Variants in FAM171A1 observed in about 807,000 individuals in gnomAD.
FAM171A1 encodes family with sequence similarity 171 member A1.
FAM171A1 carries 23 observed loss-of-function variants against 74.9 expected under a neutral mutation model. The observed-to-expected ratio is 0.31, with a 90% CI of 0.22 to 0.44. The LOEUF (loss-of-function observed/expected upper bound fraction) is 0.44. Among genes scored for constraint, FAM171A1 ranks in the 20% least tolerant of loss-of-function variants. The pLI is 1.00. For synonymous variants in FAM171A1, 527 were observed against 505.7 expected (o/e 1.04, Z -0.57); for missense variants, 1,162 against 1,159.2 (o/e 1.00, Z -0.03).
chr10:15,327,333 G>A (rs1162094858), intron 1 of FAM171A1, among the ~76,000 whole-genome samples: 1 of 152,148 alleles, frequency 6.6e-6, no homozygotes, highest in Non-Finnish European at 1.5e-5. Context: ...AGATGCTACT[G>A]ACTATTATTA....
At chr10:15,283,208 A>G (rs1834992384) in intron 2 of FAM171A1, among the ~76,000 whole-genome samples, 1 of 152,130 alleles carries the variant, frequency 6.6e-6, no homozygotes, top group Non-Finnish European at 1.5e-5. Flanking sequence ...CTTTAGGAAA[A>G]CGTGGTGTGG....
intron 4 of FAM171A1, 111 bp from the exon 5 acceptor site, chr10:15,248,926 A>T: frequency 9.9e-7 from 1 of 1,007,320 alleles, no homozygotes; most frequent in South Asian, 1.8e-5. Flanking sequence ...TATGCCAGGG[A>T]CTGCATGAAG....
At chr10:15,372,271 C>G (rs1246790411), upstream of FAM171A1, among the ~76,000 whole-genome samples, 1 of 152,160 alleles carries the variant, frequency 6.6e-6, no homozygotes, top group African/African-American at 2.4e-5. Flanking sequence ...TTATCCCCCC[C>G]ATTCACAGAT....
chr10:15,274,034 G>A (rs1379945551), intron 3 of FAM171A1, among the ~76,000 whole-genome samples: 3 of 152,174 alleles, frequency 2.0e-5, no homozygotes, highest in Admixed American at 1.3e-4. Context: ...GTTCTGGCCA[G>A]GGCAATCAGG....
chr10:15,339,373 T>C (rs1322845340), intron 1 of FAM171A1, among the ~76,000 whole-genome samples: 1 of 152,218 alleles, frequency 6.6e-6, no homozygotes, highest in East Asian at 1.9e-4. Flanking sequence ...CGCATCACAT[T>C]TAGTCATTAC....
chr10:15,314,154 ACC>A (rs1404213208), intron 1 of FAM171A1, among the ~76,000 whole-genome samples: 1 of 152,142 alleles, frequency 6.6e-6, no homozygotes, highest in Admixed American at 6.5e-5. Context: ...ATAAACCGTC[ACC>A]CTACAACTGG....
chr10:15,326,859 C>A (rs1835561544), intron 1 of FAM171A1, among the ~76,000 whole-genome samples: 1 of 152,178 alleles, frequency 6.6e-6, no homozygotes, highest in African/African-American at 2.4e-5. Flanking sequence ...AACTCCTGAC[C>A]TCAAGTGATC....
chr10:15,340,751 G>A (rs1025547666), intron 1 of FAM171A1, among the ~76,000 whole-genome samples: 1 of 152,218 alleles, frequency 6.6e-6, no homozygotes, highest in Non-Finnish European at 1.5e-5. Flanking sequence ...GATAGTGAGT[G>A]TATTTGGATA....
In FAM171A1 at chr10:15,259,280, C is replaced by T. The variant is rs564545325; in HGVS notation, c.419-4401G>A. On this transcript the variant is annotated intron_variant, in intron 3 of 7. Coordinates refer to ENST00000378116, the MANE Select transcript of FAM171A1 (RefSeq NM_001010924.2). Reference sequence around the variant, plus strand: ...AACAGCGTATGTTACCTTATACTGCCTCTCACCTCAACTATTGTGAAAGCC... The same window carrying T: ...AACAGCGTATGTTACCTTATACTGCTTCTCACCTCAACTATTGTGAAAGCC... Among the ~76,000 whole-genome samples, 58 of 152,220 alleles carry T rather than the reference C, an allele frequency of 3.8e-4. No homozygotes were observed. In the South Asian group the frequency reaches 0.012, roughly 32 times the overall value.
intron 5 of FAM171A1, among the ~76,000 whole-genome samples, chr10:15,244,744 G>A (rs570998224): frequency 6.6e-6 from 1 of 152,162 alleles, no homozygotes; most frequent in Admixed American, 6.5e-5. Context: ...GAGGGTGCAG[G>A]GAGTAACAGG....
At chr10:15,298,303 T>C (rs1835184857) in intron 1 of FAM171A1, among the ~76,000 whole-genome samples, 1 of 151,678 alleles carries the variant, frequency 6.6e-6, no homozygotes, top group Non-Finnish European at 1.5e-5. Flanking sequence ...CCCGGCTAAT[T>C]TTGTATTTTT....
intron 5 of FAM171A1, among the ~76,000 whole-genome samples, chr10:15,243,693 A>G (rs577186757): frequency 6.6e-6 from 1 of 152,330 alleles, no homozygotes; most frequent in South Asian, 2.1e-4. Context: ...TAGAAAAAAA[A>G]TCCAATAGAA....
At chr10:15,269,530 G>A (rs1212593003) in intron 3 of FAM171A1, among the ~76,000 whole-genome samples, 1 of 152,120 alleles carries the variant, frequency 6.6e-6, no homozygotes, top group African/African-American at 2.4e-5. Flanking sequence ...AACCTTCTTT[G>A]TGAGCTTTTC....
chr10:15,284,283 C>T (rs1835009190), intron 1 of FAM171A1, among the ~76,000 whole-genome samples, 178 bp from the exon 2 acceptor site: 1 of 152,204 alleles, frequency 6.6e-6, no homozygotes, highest in Non-Finnish European at 1.5e-5. Flanking sequence ...TTTTACTTCA[C>T]ACAATTTCCC....
chr10:15,341,635 C>G (rs989783694), intron 1 of FAM171A1, among the ~76,000 whole-genome samples: 29 of 152,264 alleles, frequency 1.9e-4, no homozygotes, highest in South Asian at 4.2e-4. Flanking sequence ...AAGAAAGTAT[C>G]AGAGAGGGAA....
rs145441467 is a variant in FAM171A1, at chr10:15,214,215, T to C, written c.1373A>G (p.His458Arg). 831 of 1,614,152 alleles carry C rather than the reference T, an allele frequency of 5.1e-4. 1 individual carries two copies. Among genetic ancestry groups the C allele is most frequent in the Non-Finnish European group, 6.3e-4 (749 of 1,180,016 alleles). ...TAAGGGAAAAACCTCCACTGACTTA[T>C]GGTAGTCTTTCCCCAGCGTCCCACT... ...TPSGTLGKDY[H>R]KSVEVFPLKA... is the part of the protein sequence containing the mutation. The change falls in exon 8 of 8, where the codon CAT (histidine) becomes CGT (arginine). Residue 458 changes from histidine (H) to arginine (R), a missense_variant. Transcript: ENST00000378116.
intron 4 of FAM171A1, among the ~76,000 whole-genome samples, chr10:15,252,753 T>TCTTCC (rs888098324): frequency 6.6e-6 from 1 of 152,216 alleles, no homozygotes; most frequent in Non-Finnish European, 1.5e-5. Context: ...CAAAGACCTC[T>TCTTCC]CTTCCCTTTG....
intron 1 of FAM171A1, among the ~76,000 whole-genome samples, chr10:15,336,355 C>T (rs1318599956): frequency 1.3e-5 from 2 of 150,794 alleles, no homozygotes; most frequent in African/African-American, 4.9e-5. Flanking sequence ...GCAGTTTTAT[C>T]ATATACAATA....
Position 15,370,990 on chromosome 10 carries a change from G to C in FAM171A1, c.63C>G (p.Thr21=). The C allele has an allele frequency of 1.7e-6, 2 of 1,193,110 alleles. No homozygotes were observed. The highest frequency in any genetic ancestry group is 2.1e-6 in the Non-Finnish European group (2 of 939,672). 73.9% of individuals were successfully genotyped at this position (1,193,110 alleles called of 1,614,324 possible). A position where few individuals can be genotyped will look rare whatever the true frequency, so the allele number is the denominator to read the frequency against. The change falls in exon 1 of 8, where the codon ACC becomes ACG. Residue 21 remains threonine, a synonymous_variant. Coordinates refer to ENST00000378116, the MANE Select transcript of FAM171A1 (RefSeq NM_001010924.2). ...CGGCGCCGGGCTCCCGCAGCGTCTT[G>C]GTCACCGCCTTCCAGACGTGGCAGC... ...LLGCHVWKAV[T]KTLREPGAGA... is the part of the protein sequence containing the mutation.
Sources: gnomAD v4.1 joint callset for allele counts (sites outside exome capture counted in the v4.1 genomes callset) on GRCh38, gnomAD v4.1.1 for gene constraint, MANE v1.5 for transcripts, NCBI Gene and HGNC (gene_info 2026-07-23, HGNC 2026-07-21) for gene names.